The following DLGAP4 variants were observed in gnomAD, a reference collection of about 807,000 sequenced individuals.
The protein encoded by DLGAP4 is disks large-associated protein 4.
In DLGAP4, 18 loss-of-function variants were observed where a neutral mutation model predicts 86.9. The observed-to-expected ratio is 0.21, with a 90% CI of 0.14 to 0.31. The LOEUF (loss-of-function observed/expected upper bound fraction) is 0.31, where lower values mean the gene tolerates loss of function less well. Among genes scored for constraint, DLGAP4 ranks in the 10% least tolerant of loss-of-function variants. DLGAP4 has a pLI of 1.00. For synonymous variants in DLGAP4, 548 were observed against 574.3 expected, an observed-to-expected ratio of 0.95 and a Z score of 0.65; for missense variants, 1,085 against 1,362.6, an observed-to-expected ratio of 0.80 and a Z score of 3.21.
In DLGAP4 at chr20:36,351,861, C is replaced by T. The variant is rs782683679; in HGVS notation, c.-303-15184C>T. On this transcript the variant is annotated intron_variant, in intron 1 of 12. Coordinates refer to ENST00000339266, the MANE Select transcript of DLGAP4 (RefSeq NM_001365621.2). ...TGTTGGTGGGGAAGAGAAACAATGT[C>T]TCCCCACCTGGAGCTCGCTTTAGAA... Among the ~76,000 whole-genome samples the T allele has an allele frequency of 9.3e-4, 141 of 152,132 alleles. 1 individual carries two copies. Among genetic ancestry groups the T allele is most frequent in the Non-Finnish European group, 1.5e-3 (105 of 68,024 alleles).
At chr20:36,323,719 A>G (rs1600398230) in intron 1 of DLGAP4, among the ~76,000 whole-genome samples, 2 of 152,336 alleles carry the variant, frequency 1.3e-5, no homozygotes, top group East Asian at 3.9e-4. Context: ...GTTTCATGGA[A>G]GACAAGTTTT....
chr20:36,455,663 C>A (rs2147600462), intron 7 of DLGAP4, among the ~76,000 whole-genome samples: 1 of 152,218 alleles, frequency 6.6e-6, no homozygotes, highest in Non-Finnish European at 1.5e-5. Flanking sequence ...GGTTTGGGGA[C>A]CCACAGGTAC....
At chr20:36,443,442 C>A (rs897085910) in intron 6 of DLGAP4, among the ~76,000 whole-genome samples, 1 of 152,138 alleles carries the variant, frequency 6.6e-6, no homozygotes, top group African/African-American at 2.4e-5. Context: ...GGGTAAGGGA[C>A]TTGTGCAAGG....
chr20:36,430,153 T>G (rs532986946), intron 2 of DLGAP4, among the ~76,000 whole-genome samples: 33 of 152,340 alleles, frequency 2.2e-4, no homozygotes, highest in Admixed American at 3.3e-4. Flanking sequence ...GACTAGTATT[T>G]CCAGGATGTT....
intron 7 of DLGAP4, among the ~76,000 whole-genome samples, chr20:36,448,135 T>C (rs1029924478): frequency 9.6e-4 from 146 of 151,648 alleles, no homozygotes; most frequent in Non-Finnish European, 1.5e-4. Context: ...GCAGATCACT[T>C]GAGCCTAGGA....
intron 2 of DLGAP4, among the ~76,000 whole-genome samples, chr20:36,372,268 G>T (rs988854075): frequency 6.6e-6 from 1 of 152,192 alleles, no homozygotes; most frequent in African/African-American, 2.4e-5. Flanking sequence ...GTGTCGGCTT[G>T]TCCTGCCAGG....
chr20:36,346,061 A>AT (rs553610283), intron 1 of DLGAP4, among the ~76,000 whole-genome samples: 3 of 151,582 alleles, frequency 2.0e-5, no homozygotes, highest in South Asian at 4.2e-4. Flanking sequence ...CCACCCTCAC[A>AT]TTTTTTTTCA....
intron 7 of DLGAP4, among the ~76,000 whole-genome samples, chr20:36,449,846 C>G (rs1016097056): frequency 6.6e-6 from 1 of 152,194 alleles, no homozygotes; most frequent in African/African-American, 2.4e-5. Context: ...AACAAACAAC[C>G]ACAAAATCAG....
intron 2 of DLGAP4, among the ~76,000 whole-genome samples, chr20:36,414,749 C>T (rs1281868856): frequency 1.3e-5 from 2 of 152,256 alleles, no homozygotes; most frequent in African/African-American, 4.8e-5. Context: ...TGTCCCCCTC[C>T]AGTTCCATGT....
intron 6 of DLGAP4, among the ~76,000 whole-genome samples, chr20:36,445,978 T>C (rs2033582001): frequency 1.3e-5 from 2 of 152,326 alleles, no homozygotes; most frequent in South Asian, 2.1e-4. Context: ...TTAGGACCCA[T>C]CTACACAAAG....
rs1421545176 is a variant in DLGAP4, at chr20:36,349,203, G to A, written c.-303-17842G>A. Among the ~76,000 whole-genome samples the A allele has an allele frequency of 3.3e-5, 5 of 150,076 alleles. No individual in the cohort carries two copies. In the Admixed American group the frequency reaches 3.3e-4, roughly 10 times the overall value. On this transcript the variant is annotated intron_variant, in intron 1 of 12. Coordinates refer to ENST00000339266, the MANE Select transcript of DLGAP4 (RefSeq NM_001365621.2). ...GGAGGCTGAGGCGGGTGGATCCCGA[G>A]GTCAGGAGATTGAGATCATCCTGGC...
intron 2 of DLGAP4, among the ~76,000 whole-genome samples, chr20:36,423,446 A>T (rs1480202340): frequency 3.6e-5 from 4 of 112,098 alleles, no homozygotes; most frequent in Non-Finnish European, 6.7e-5. Context: ...ACAGAGCAAG[A>T]CTCCGTCTCA....
At chr20:36,491,900 T>C (rs1408122726) in intron 7 of DLGAP4, among the ~76,000 whole-genome samples, 1 of 152,194 alleles carries the variant, frequency 6.6e-6, no homozygotes. Flanking sequence ...TGTGGCATGA[T>C]TTGTCAGGAC....
intron 10 of DLGAP4, among the ~76,000 whole-genome samples, chr20:36,516,668 GAAAA>G (rs747235286): frequency 1.3e-5 from 1 of 77,076 alleles, no homozygotes; most frequent in African/African-American, 5.0e-5. Flanking sequence ...TCCGTCTCAG[GAAAA>G]AAAAAAAAAA....
In DLGAP4 at chr20:36,446,818, G is replaced by C. The variant is rs1392551101; in HGVS notation, c.1529G>C (p.Ser510Thr). ...LPLPSYFRSRSHSYLRAIQAG... is the reference protein window; with the variant it reads ...LPLPSYFRSRTHSYLRAIQAG... Reference sequence around the variant, plus strand: ...CTGCCCAGCTACTTCCGCTCCCGCAGCCACAGCTACCTGCGTGCCATCCAG... The same window carrying C: ...CTGCCCAGCTACTTCCGCTCCCGCACCCACAGCTACCTGCGTGCCATCCAG... The change falls in exon 7 of 13, where the codon AGC (serine) becomes ACC (threonine). Residue 510 changes from serine (S) to threonine (T), a missense_variant. Ser to Thr is a moderately conservative substitution (Grantham distance 58). Transcript: ENST00000339266. 14 of 1,612,940 alleles carry C rather than the reference G, an allele frequency of 8.7e-6. No homozygotes were observed. Among genetic ancestry groups the C allele is most frequent in the Non-Finnish European group, 1.1e-5 (13 of 1,179,800 alleles).
chr20:36,334,917 G>A (rs931821077), intron 1 of DLGAP4, among the ~76,000 whole-genome samples: 20 of 152,166 alleles, frequency 1.3e-4, no homozygotes, highest in African/African-American at 3.9e-4. Flanking sequence ...CCTCCCGCCT[G>A]AGCCCGATTG....
At chr20:36,478,134 T>C (rs562239937) in intron 7 of DLGAP4, among the ~76,000 whole-genome samples, 200 of 152,312 alleles carry the variant, frequency 1.3e-3, no homozygotes, top group African/African-American at 4.4e-3. Flanking sequence ...CTAAATGACT[T>C]TCATGGTGAT....
chr20:36,406,125 G>A (rs998688389), intron 2 of DLGAP4, among the ~76,000 whole-genome samples: 5 of 152,266 alleles, frequency 3.3e-5, no homozygotes, highest in East Asian at 1.9e-4. Flanking sequence ...AAGGCCGGGC[G>A]CGGTGGCTCA....
At chr20:36,414,193 C>G (rs1302924030) in intron 2 of DLGAP4, among the ~76,000 whole-genome samples, 2 of 152,212 alleles carry the variant, frequency 1.3e-5, no homozygotes, top group Non-Finnish European at 2.9e-5. Flanking sequence ...TCCCAGCCCC[C>G]ACAAGCACAA....
Sources: allele counts gnomAD v4.1 joint callset (sites outside exome capture counted in the v4.1 genomes callset), GRCh38; gene constraint gnomAD v4.1.1; transcripts MANE v1.5; gene names NCBI Gene and HGNC (gene_info 2026-07-23, HGNC 2026-07-21).